The following FIBCD1 variants were observed in gnomAD, a reference collection of about 807,000 sequenced individuals.
FIBCD1 encodes fibrinogen C domain containing 1, also known as fibrinogen C domain-containing protein 1.
In FIBCD1, 47 loss-of-function variants were observed where a neutral mutation model predicts 45.1. The observed-to-expected ratio is 1.04, with a 90% CI of 0.82 to 1.33. FIBCD1 has a LOEUF of 1.33. FIBCD1 is among the 40% of genes most tolerant of loss of function. The probability of loss-of-function intolerance (pLI) is 0.00; values close to 1 mark genes in which losing one functional copy is unlikely to be tolerated. For synonymous variants in FIBCD1, 313 were observed against 308.1 expected (o/e 1.02, Z -0.17); for missense variants, 653 against 682.2 (o/e 0.96, Z 0.48).
At chr9:130,918,822 C>T (rs556428194) in intron 4 of FIBCD1, among the ~76,000 whole-genome samples, 1 of 152,204 alleles carries the variant, frequency 6.6e-6, no homozygotes. Context: ...CACGTGACCT[C>T]GGACAGGTTG....
rs1832303069 is a variant in FIBCD1 at position 130,923,750 on chromosome 9, G to A, written c.843C>T (p.Gly281=). 1.2e-6 allele frequency: 2 copies of A among 1,611,836 alleles called. No homozygotes were observed. Among genetic ancestry groups the A allele is most frequent in the Non-Finnish European group, 1.7e-6 (2 of 1,179,824 alleles). The stretch of plus-strand genomic sequence containing the variant: ...CCCAGCCTGGGACACTCACCGTCCA[G>A]CCGCCGCCGTCCGTGCGCATGTCAC... The part of the protein sequence containing the change: ...VYCDMRTDGG[G]WTVFQRREDG... The change falls in exon 4 of 7, where the codon GGC becomes GGT. Residue 281 remains glycine, a synonymous_variant. Transcript: ENST00000372338.
At chr9:130,910,187 C>T (rs1401888149) in intron 5 of FIBCD1, among the ~76,000 whole-genome samples, 1 of 152,196 alleles carries the variant, frequency 6.6e-6, no homozygotes, top group Non-Finnish European at 1.5e-5. Context: ...TCCAGGTGGG[C>T]ATGGGCTTGG....
rs148927843 is a variant in FIBCD1 at position 130,932,379 on chromosome 9, T to C, written c.73-2333A>G. On this transcript the variant is annotated intron_variant, in intron 1 of 6. Coordinates refer to ENST00000372338, the MANE Select transcript of FIBCD1 (RefSeq NM_032843.5). ...AAGAGAGTTTCTTGGCCTGTCCCTA[T>C]TGTCATGCGGCTGCCAGGACTCAGT... 3.9e-4 allele frequency among the ~76,000 whole-genome samples: 60 copies of C among 152,208 alleles called. No individual in the cohort carries two copies. In the East Asian group the frequency reaches 0.011, roughly 28 times the overall value.
At position 130,930,016 on chromosome 9, in the gene FIBCD1, C is replaced by T. The variant is rs749376173; in HGVS notation, c.103G>A (p.Val35Met). The T allele has an allele frequency of 3.3e-5, 51 of 1,523,664 alleles. No individual in the cohort carries two copies. The Admixed American group carries it at 4.6e-4, about 14-fold the overall frequency. 94.4% of individuals were successfully genotyped at this position (1,523,664 alleles called of 1,614,324 possible). A position where few individuals can be genotyped will look rare whatever the true frequency, so the allele number is the denominator to read the frequency against. ...AGCAGCACAGCCAGGGCCAGCAGCA[C>T]GGTGCACAGCACGTAGCCGCAGCTC... is the stretch of plus-strand genomic sequence containing the variant. Reference protein sequence around the residue: ...RPSCGYVLCTVLLALAVLLAV... With the variant: ...RPSCGYVLCTMLLALAVLLAV... The change falls in exon 2 of 7, where the codon GTG (valine) becomes ATG (methionine). Residue 35 changes from valine to methionine, a missense_variant. By Grantham distance (21) the Val-to-Met change is conservative (BLOSUM62 1). Transcript: ENST00000372338.
At chr9:130,907,120 GC>G (rs1184671692) in intron 5 of FIBCD1, among the ~76,000 whole-genome samples, 7 of 152,224 alleles carry the variant, frequency 4.6e-5, no homozygotes, top group Non-Finnish European at 7.4e-5. Context: ...AGGGAGACCG[GC>G]CCCCCGGGGA....
intron 3 of FIBCD1, 115 bp downstream of exon 3, chr9:130,924,122 T>A (rs1832313721): frequency 7.3e-7 from 1 of 1,377,520 alleles, no homozygotes; most frequent in African/African-American, 1.4e-5. Flanking sequence ...GCAGGCCACA[T>A]GGAAGTAGGG....
At chr9:130,914,909 CTCCCCAAACCCTT>C in intron 4 of FIBCD1, among the ~76,000 whole-genome samples, 1 of 152,252 alleles carries the variant, frequency 6.6e-6, no homozygotes, top group East Asian at 1.9e-4. Context: ...GCCCATGTCC[CTCCCCAAACCCTT>C]TCCCCGAGCC....
chr9:130,917,813 G>C (rs1210197214), intron 4 of FIBCD1, among the ~76,000 whole-genome samples: 4 of 152,190 alleles, frequency 2.6e-5, no homozygotes, highest in Non-Finnish European at 5.9e-5. Context: ...CTGAGGCTTG[G>C]AGGAGTGGGC....
At chr9:130,911,755 A>G in intron 5 of FIBCD1, 37 bp downstream of exon 5, 2 of 1,548,210 alleles carry the variant, frequency 1.3e-6, no homozygotes, top group Non-Finnish European at 1.8e-6. Flanking sequence ...CAGGGGGAGG[A>G]GGCCCACCTG....
At chr9:130,938,334 G>A (rs1832552481) in intron 1 of FIBCD1, 2 of 448,740 alleles carry the variant, frequency 4.5e-6, no homozygotes, top group African/African-American at 2.1e-5. Context: ...GCTCCTGCAG[G>A]GGTGCCGCCC....
chr9:130,910,153 C>T (rs1468397082), intron 5 of FIBCD1, among the ~76,000 whole-genome samples: 1 of 152,216 alleles, frequency 6.6e-6, no homozygotes, highest in African/African-American at 2.4e-5. Context: ...GGGCTGCGTG[C>T]GGCGCTTGCG....
At chr9:130,905,530 C>A in intron 5 of FIBCD1, 117 bp from the exon 6 acceptor site, 2 of 1,053,910 alleles carry the variant, frequency 1.9e-6, no homozygotes, top group Non-Finnish European at 2.7e-6. Context: ...GGACAACCAC[C>A]AAGTGCGTGC....
At chr9:130,936,706 G>A (rs1832525632) in intron 1 of FIBCD1, among the ~76,000 whole-genome samples, 1 of 152,270 alleles carries the variant, frequency 6.6e-6, no homozygotes, top group African/African-American at 2.4e-5. Context: ...GTGCCATTCA[G>A]CAAACGCTCT....
chr9:130,916,957 G>A (rs1450498040), intron 4 of FIBCD1, among the ~76,000 whole-genome samples: 1 of 152,182 alleles, frequency 6.6e-6, no homozygotes, highest in African/African-American at 2.4e-5. Flanking sequence ...AATTAGCTGG[G>A]TGTGGTGGCA....
rs1037701592 is a variant in FIBCD1, at chr9:130,903,922, CGT to C, written c.*140_*141del. 9.0e-7 allele frequency: 1 copy of C among 1,107,392 alleles called. No homozygotes were observed. Among genetic ancestry groups the C allele is most frequent in the Non-Finnish European group, 1.3e-6 (1 of 745,336 alleles). 68.6% of individuals were successfully genotyped at this position (1,107,392 alleles called of 1,614,324 possible). ...GTGACTTCACCGGCCCAGGGAGCTT[CGT>C]GTCAGGGATGGCCCGGCCCCTCCCT... On this transcript the variant is annotated 3_prime_UTR_variant, in exon 7 of 7. Coordinates refer to ENST00000372338, the MANE Select transcript of FIBCD1 (RefSeq NM_032843.5).
Position 130,921,191 on chromosome 9 carries a change from G to T in FIBCD1, c.849+2553C>A, listed in dbSNP as rs1378861661. On this transcript the variant is annotated intron_variant, in intron 4 of 6. Coordinates refer to ENST00000372338, the MANE Select transcript of FIBCD1 (RefSeq NM_032843.5). ...GAGACTGTCCAGCCCCAGGGTCTCG[G>T]GGCACAGTTCCAGGTGCCCTGTCCT... is the stretch of plus-strand genomic sequence containing the variant. Among the ~76,000 whole-genome samples the T allele has an allele frequency of 3.3e-5, 5 of 152,238 alleles. No homozygotes were observed. The East Asian group carries it at 9.6e-4, about 29-fold the overall frequency.
At chr9:130,935,461 A>G (rs10793974) in intron 1 of FIBCD1, among the ~76,000 whole-genome samples, 89,556 of 152,136 alleles carry the variant, frequency 0.59, 27,313 homozygotes, top group East Asian at 0.75. Context: ...GGGAGGACGC[A>G]TTAACAAAGT....
rs545405645 is a variant in FIBCD1 at position 130,929,226 on chromosome 9, A to T, written c.552+341T>A. On this transcript the variant is annotated intron_variant, in intron 2 of 6. Coordinates refer to ENST00000372338, the MANE Select transcript of FIBCD1 (RefSeq NM_032843.5). ...CTCTCTGAGCCTCGATTTGCTCCTG[A>T]TGGGGGAATGCCCTGCCTCACCTGT... Among the ~76,000 whole-genome samples the T allele has an allele frequency of 1.4e-3, 210 of 152,166 alleles. 1 individual carries two copies. Among genetic ancestry groups the T allele is most frequent in the Non-Finnish European group, 2.6e-3 (177 of 67,972 alleles).
At chr9:130,921,745 GC>G (rs1253275395) in intron 4 of FIBCD1, among the ~76,000 whole-genome samples, 1 of 152,188 alleles carries the variant, frequency 6.6e-6, no homozygotes, top group Non-Finnish European at 1.5e-5. Context: ...TCACTGTTCC[GC>G]CCGCCAAGGG....
Sources: allele counts gnomAD v4.1 joint callset (sites outside exome capture counted in the v4.1 genomes callset), GRCh38; gene constraint gnomAD v4.1.1; transcripts MANE v1.5; gene names NCBI Gene and HGNC (gene_info 2026-07-23, HGNC 2026-07-21).